The following RHBDD1 variants were observed in gnomAD, a reference collection of about 807,000 sequenced individuals.
RHBDD1 encodes the protein rhomboid-related protein 4.
RHBDD1 carries 38 observed loss-of-function variants against 36.3 expected under a neutral mutation model. The ratio of observed to expected loss-of-function variants is 1.05; its 90% confidence interval spans 0.81 to 1.37. The LOEUF (loss-of-function observed/expected upper bound fraction) is 1.37, where lower values mean the gene tolerates loss of function less well. Ranked by LOEUF, RHBDD1 falls within the 40% of genes most tolerant of loss-of-function variation. RHBDD1 has a pLI of 0.00. For missense variants in RHBDD1, 393 were observed against 377.6 expected, an observed-to-expected ratio of 1.04 and a Z score of -0.34; for synonymous variants, 151 against 136.5, an observed-to-expected ratio of 1.11 and a Z score of -0.74.
intron 8 of RHBDD1, among the ~76,000 whole-genome samples, chr2:226,972,929 C>CA (rs11320469): frequency 0.13 from 16,975 of 126,726 alleles, 1,115 homozygotes; most frequent in East Asian, 0.22. Flanking sequence ...AAGCCTGTAG[C>CA]AAAAAAAAAA....
rs115478417 is a variant in RHBDD1, at chr2:226,868,314, C to T, written c.566+996C>T. ...TTCGGAAGGTTAAGAGACTTATCAA[C>T]AAACAGTTTGTGGTAGACACCAGCC... On this transcript the variant is annotated intron_variant, in intron 5 of 8. Transcript: ENST00000392062. Among the ~76,000 whole-genome samples, 712 of 152,286 alleles carry T rather than the reference C, an allele frequency of 4.7e-3. 12 individuals are homozygous for T. Among genetic ancestry groups the T allele is most frequent in the East Asian group, 3.5e-3 (18 of 5,170 alleles).
chr2:226,866,731 C>A (rs1446162606), intron 4 of RHBDD1, among the ~76,000 whole-genome samples: 2 of 152,182 alleles, frequency 1.3e-5, no homozygotes, highest in Admixed American at 1.3e-4. Context: ...TGACATCCTT[C>A]CCCTTTCCTT....
At chr2:226,958,917 C>G (rs182319093) in intron 8 of RHBDD1, among the ~76,000 whole-genome samples, 35 of 152,144 alleles carry the variant, frequency 2.3e-4, no homozygotes, top group Admixed American at 3.9e-4. Flanking sequence ...CTTTTGAGAT[C>G]TCTTAAAGGA....
At chr2:226,948,607 A>T (rs1295152611) in intron 8 of RHBDD1, among the ~76,000 whole-genome samples, 1 of 150,924 alleles carries the variant, frequency 6.6e-6, no homozygotes, top group African/African-American at 2.4e-5. Flanking sequence ...AAAATAAAAA[A>T]AAATAAAATA....
intron 8 of RHBDD1, among the ~76,000 whole-genome samples, chr2:226,930,476 A>G (rs1949958065): frequency 6.6e-6 from 1 of 151,914 alleles, no homozygotes. Flanking sequence ...CCTATCTCTC[A>G]CCATATAAAA....
chr2:226,847,844 CTG>C (rs1942386251), intron 3 of RHBDD1, among the ~76,000 whole-genome samples: 1 of 152,186 alleles, frequency 6.6e-6, no homozygotes, highest in African/African-American at 2.4e-5. Flanking sequence ...TTTCGCCTCT[CTG>C]TGAATTCTCT....
At chr2:226,911,668 C>T (rs1469628021) in intron 7 of RHBDD1, among the ~76,000 whole-genome samples, 1 of 150,272 alleles carries the variant, frequency 6.7e-6, no homozygotes, top group Non-Finnish European at 1.5e-5. Context: ...GCAATGGGGG[C>T]TAAATTTTTC....
intron 8 of RHBDD1, chr2:226,988,566 A>G (rs1396171248): frequency 7.2e-7 from 1 of 1,389,130 alleles, no homozygotes; most frequent in Non-Finnish European, 9.3e-7. Flanking sequence ...ACTGGTGTGG[A>G]ATCTGCATCA....
chr2:226,894,828 G>A (rs946689383), intron 5 of RHBDD1, among the ~76,000 whole-genome samples: 6 of 152,214 alleles, frequency 3.9e-5, no homozygotes, highest in African/African-American at 1.4e-4. Flanking sequence ...GGAAACTTTA[G>A]CATGCTAGAG....
intron 3 of RHBDD1, among the ~76,000 whole-genome samples, chr2:226,861,347 A>G (rs1943834822): frequency 6.6e-6 from 1 of 152,166 alleles, no homozygotes; most frequent in Non-Finnish European, 1.5e-5. Flanking sequence ...AGCAGTCAAC[A>G]GTGGAGAGCT....
At chr2:226,814,534 GC>G in the RHBDD1 span, among the ~76,000 whole-genome samples, 5 of 152,296 alleles carry the variant, frequency 3.3e-5, no homozygotes, top group South Asian at 1.0e-3. Context: ...GAAACCTTGA[GC>G]AAAGGTAGGC....
At chr2:226,817,060 G>A in the RHBDD1 span, among the ~76,000 whole-genome samples, 964 of 152,298 alleles carry the variant, frequency 6.3e-3, 8 homozygotes, top group African/African-American at 0.022. Context: ...ATTTTCTACA[G>A]CTAATGCTTC....
chr2:226,982,786 GCACC>G, intron 8 of RHBDD1, among the ~76,000 whole-genome samples: 1 of 152,164 alleles, frequency 6.6e-6, no homozygotes, highest in Non-Finnish European at 1.5e-5. Context: ...CATTTATGAT[GCACC>G]CACTATGTAC....
intron 5 of RHBDD1, among the ~76,000 whole-genome samples, chr2:226,905,991 A>AT (rs57570344): frequency 0.44 from 67,320 of 151,754 alleles, 15,174 homozygotes; most frequent in South Asian, 0.54. Flanking sequence ...TTGTGGTAAC[A>AT]GCAGAGGTTT....
chr2:226,810,555 A>AAAAAAAAAAAAAAAAAAAAAAC, the RHBDD1 span, among the ~76,000 whole-genome samples: 1 of 148,746 alleles, frequency 6.7e-6, no homozygotes, highest in African/African-American at 2.5e-5. Flanking sequence ...AAAAAAAAAA[A>AAAAAAAAAAAAAAAAAAAAAAC]AAAAAAAAAA....
At chr2:226,873,834 G>A (rs1944994925) in intron 5 of RHBDD1, among the ~76,000 whole-genome samples, 1 of 152,126 alleles carries the variant, frequency 6.6e-6, no homozygotes, top group South Asian at 2.1e-4. Context: ...GTTGTTCAAG[G>A]GGTTGTGAGT....
At chr2:226,830,930 A>G (rs1413706602), upstream of RHBDD1, among the ~76,000 whole-genome samples, 3 of 152,166 alleles carry the variant, frequency 2.0e-5, no homozygotes. Context: ...TGGCCTCCCA[A>G]AGTGCTGGGA....
At chr2:226,934,863 CT>C (rs59301546) in intron 8 of RHBDD1, among the ~76,000 whole-genome samples, 69,002 of 148,870 alleles carry the variant, frequency 0.46, 16,018 homozygotes, top group African/African-American at 0.54. Flanking sequence ...TTTTTCTTTT[CT>C]TTTTTTTTTT....
At chr2:226,821,013 C>T in the RHBDD1 span, among the ~76,000 whole-genome samples, 1 of 152,164 alleles carries the variant, frequency 6.6e-6, no homozygotes, top group East Asian at 1.9e-4. Context: ...TACCCCCATC[C>T]TCTCCTGTGT....
Sources: gnomAD v4.1 joint callset for allele counts (sites outside exome capture counted in the v4.1 genomes callset) on GRCh38, gnomAD v4.1.1 for gene constraint, MANE v1.5 for transcripts, NCBI Gene and HGNC (gene_info 2026-07-23, HGNC 2026-07-21) for gene names.